Variants in ASPRV1 observed in about 807,000 individuals in gnomAD.
ASPRV1 encodes the protein retroviral-like aspartic protease 1.
In ASPRV1, 7 loss-of-function variants were observed where a neutral mutation model predicts 11.0. The observed-to-expected ratio is 0.64, with a 90% CI of 0.36 to 1.20. The LOEUF (loss-of-function observed/expected upper bound fraction) is 1.20, where lower values mean the gene tolerates loss of function less well. Among genes scored for constraint, ASPRV1 ranks in the 50% most tolerant of loss-of-function variants. ASPRV1 has a pLI of 0.02. For missense variants in ASPRV1, 299 were observed against 320.0 expected, an observed-to-expected ratio of 0.93 and a Z score of 0.50; for synonymous variants, 136 against 138.4, an observed-to-expected ratio of 0.98 and a Z score of 0.12.
the ASPRV1 span, among the ~76,000 whole-genome samples, chr2:70,036,552 G>C: frequency 6.6e-6 from 1 of 152,188 alleles, no homozygotes; most frequent in African/African-American, 2.4e-5. Context: ...ATAATGCCAA[G>C]GTGTTTGTCT....
At chr2:70,046,489 C>G in the ASPRV1 span, 1 of 152,268 alleles carries the variant, frequency 6.6e-6, no homozygotes, top group East Asian at 1.9e-4. Context: ...TAAAATCAGC[C>G]TAAGTATAAT....
upstream of ASPRV1, chr2:69,961,934 T>C: frequency 2.3e-6 from 1 of 428,604 alleles, no homozygotes; most frequent in Non-Finnish European, 4.3e-6. Context: ...CATCAGCCAG[T>C]GAAGGAAGGG....
At chr2:70,069,543 T>C in the ASPRV1 span, among the ~76,000 whole-genome samples, 2 of 152,238 alleles carry the variant, frequency 1.3e-5, no homozygotes, top group African/African-American at 2.4e-5. Flanking sequence ...CCTGGTTTTA[T>C]TACATTTTAG....
chr2:69,935,640 T>C, the ASPRV1 span, among the ~76,000 whole-genome samples: 1 of 152,178 alleles, frequency 6.6e-6, no homozygotes, highest in South Asian at 2.1e-4. Flanking sequence ...CTCACTCCCA[T>C]GCACCAGAGG....
chr2:69,958,051 G>A (rs1039673399), downstream of ASPRV1, among the ~76,000 whole-genome samples: 1 of 152,186 alleles, frequency 6.6e-6, no homozygotes, highest in Admixed American at 6.5e-5. Flanking sequence ...CACCCAGACA[G>A]CAAGCCCTCT....
At chr2:69,993,286 A>C in the ASPRV1 span, 1 of 152,380 alleles carries the variant, frequency 6.6e-6, no homozygotes, top group East Asian at 1.9e-4. Context: ...GTCCTGTCCC[A>C]TGGCTACTTA....
At chr2:69,971,414 G>T in the ASPRV1 span, 1 of 152,114 alleles carries the variant, frequency 6.6e-6, no homozygotes, top group Non-Finnish European at 1.5e-5. Context: ...AGCCAGCAGG[G>T]ATGACTAAGG....
At chr2:69,953,294 G>A in the ASPRV1 span, among the ~76,000 whole-genome samples, 1 of 152,232 alleles carries the variant, frequency 6.6e-6, no homozygotes, top group African/African-American at 2.4e-5. Context: ...TTTGACAGGG[G>A]ATGGACAGTG....
At chr2:70,051,188 A>C in the ASPRV1 span, 1 of 152,200 alleles carries the variant, frequency 6.6e-6, no homozygotes, top group East Asian at 1.9e-4. Flanking sequence ...GGGACAAAGA[A>C]GGTAAATGAC....
At chr2:70,053,488 T>G in the ASPRV1 span, among the ~76,000 whole-genome samples, 1 of 152,190 alleles carries the variant, frequency 6.6e-6, no homozygotes, top group Non-Finnish European at 1.5e-5. Context: ...CTGTGTTAAG[T>G]GCTTTCATAC....
At chr2:69,940,171 T>C in the ASPRV1 span, 1 of 151,996 alleles carries the variant, frequency 6.6e-6, no homozygotes, top group South Asian at 2.1e-4. Flanking sequence ...TTTTTAATTT[T>C]TGGAATCTTT....
At chr2:70,062,899 A>G in the ASPRV1 span, among the ~76,000 whole-genome samples, 1 of 152,206 alleles carries the variant, frequency 6.6e-6, no homozygotes, top group African/African-American at 2.4e-5. Flanking sequence ...GAACAGAAGG[A>G]GCAAGCAAAG....
At chr2:69,943,535 T>A in the ASPRV1 span, among the ~76,000 whole-genome samples, 3 of 152,154 alleles carry the variant, frequency 2.0e-5, no homozygotes, top group Admixed American at 1.3e-4. Context: ...CTGGGGCATG[T>A]CAAAGGAAAG....
At chr2:69,934,459 C>T in the ASPRV1 span, among the ~76,000 whole-genome samples, 1 of 152,196 alleles carries the variant, frequency 6.6e-6, no homozygotes, top group Non-Finnish European at 1.5e-5. Flanking sequence ...TCCAGCCCTT[C>T]TCCCTCTCCC....
At chr2:70,011,045 G>C in the ASPRV1 span, among the ~76,000 whole-genome samples, 1 of 152,030 alleles carries the variant, frequency 6.6e-6, no homozygotes, top group African/African-American at 2.4e-5. Context: ...CTTACAAGTG[G>C]GAGCTAAATG....
the ASPRV1 span, among the ~76,000 whole-genome samples, chr2:70,080,474 G>A: frequency 0.15 from 22,942 of 152,124 alleles, 2,722 homozygotes; most frequent in East Asian, 0.3. Flanking sequence ...TGATCTGCCC[G>A]CCTCGGCCGC....
the ASPRV1 span, among the ~76,000 whole-genome samples, chr2:70,073,535 A>G: frequency 1.3e-5 from 2 of 152,324 alleles, no homozygotes; most frequent in Admixed American, 1.3e-4. Flanking sequence ...AACGATACTT[A>G]ACGATACTTT....
chr2:70,082,540 G>A, the ASPRV1 span, among the ~76,000 whole-genome samples: 57 of 152,088 alleles, frequency 3.7e-4, no homozygotes, highest in African/African-American at 7.7e-4. Context: ...GAGAAACTCC[G>A]TCTCTACTAA....
chr2:69,978,683 T>TG, the ASPRV1 span, among the ~76,000 whole-genome samples: 1 of 152,118 alleles, frequency 6.6e-6, no homozygotes, highest in Non-Finnish European at 1.5e-5. Flanking sequence ...GGTGTCCTGG[T>TG]GAGGCAGTGA....
Sources: allele counts gnomAD v4.1 joint callset (sites outside exome capture counted in the v4.1 genomes callset), GRCh38; gene constraint gnomAD v4.1.1; transcripts MANE v1.5; gene names NCBI Gene and HGNC (gene_info 2026-07-23, HGNC 2026-07-21).